Variants in AHCTF1 observed in about 807,000 individuals in gnomAD.
AHCTF1 encodes protein ELYS.
In AHCTF1, 24 loss-of-function variants were observed where a neutral mutation model predicts 248.4. The observed-to-expected ratio is 0.10, with a 90% CI of 0.07 to 0.14. The LOEUF is 0.14. Among genes scored for constraint, AHCTF1 ranks in the 10% least tolerant of loss-of-function variants. The pLI, the probability that AHCTF1 is intolerant of heterozygous loss-of-function variation, is 1.00. For missense variants in AHCTF1, 2,206 were observed against 2,636.2 expected, an observed-to-expected ratio of 0.84 and a Z score of 3.57; for synonymous variants, 786 against 929.8, an observed-to-expected ratio of 0.85 and a Z score of 2.81.
intron 1 of AHCTF1, among the ~76,000 whole-genome samples, chr1:246,930,168 GCT>G (rs758383074): frequency 3.3e-5 from 5 of 151,928 alleles, no homozygotes; most frequent in Non-Finnish European, 5.9e-5. Context: ...ACAGGTTCTC[GCT>G]CTGTCACACA....
rs748765217 is a variant in AHCTF1 at position 246,867,819 on chromosome 1, A to T, written c.3089-8T>A. ...ATGGTTTGGGTCTAGAAACTGTAAA[A>T]TGAAGAACGCTGGAATTAAGTGCAT... On this transcript the variant is annotated splice_polypyrimidine_tract_variant and splice_region_variant and intron_variant, in intron 24 of 35. Transcript: ENST00000648844. The T allele has an allele frequency of 1.2e-6, 2 of 1,603,946 alleles. No individual in the cohort carries two copies. The highest frequency in any genetic ancestry group is 1.7e-6 in the Non-Finnish European group (2 of 1,175,328).
chr1:246,877,166 T>C lies in AHCTF1; in HGVS notation c.2797A>G (p.Thr933Ala). The change falls in exon 22 of 36, where the codon ACT (threonine) becomes GCT (alanine). Residue 933 changes from threonine (T) to alanine (A), a missense_variant. Transcript: ENST00000648844. Reference sequence around the variant, plus strand: ...CATCGGTAAGTAATTACCTGCTCAGTGTCTGTAAATGGTAACTTCAGTAAA... The same window carrying C: ...CATCGGTAAGTAATTACCTGCTCAGCGTCTGTAAATGGTAACTTCAGTAAA... ...EDLLKLPFTD[T>A]EQECLVKFLQ... 6.2e-7 allele frequency: 1 copy of C among 1,612,836 alleles called. No homozygotes were observed. The highest frequency in any genetic ancestry group is 8.5e-7 in the Non-Finnish European group (1 of 1,179,844).
chr1:246,901,327 A>T (rs1261381902), intron 8 of AHCTF1, among the ~76,000 whole-genome samples: 1 of 151,994 alleles, frequency 6.6e-6, no homozygotes, highest in Non-Finnish European at 1.5e-5. Context: ...GGCGACAGTG[A>T]GACCCTGTCT....
At chr1:246,888,919 G>A (rs1258787554) in intron 17 of AHCTF1, among the ~76,000 whole-genome samples, 1 of 152,082 alleles carries the variant, frequency 6.6e-6, no homozygotes, top group Non-Finnish European at 1.5e-5. Flanking sequence ...AGAGAGAGGA[G>A]AGAATTGGGA....
intron 31 of AHCTF1, among the ~76,000 whole-genome samples, chr1:246,853,683 A>G (rs79326084): frequency 1.3e-5 from 2 of 152,348 alleles, no homozygotes; most frequent in East Asian, 3.9e-4. Context: ...GGGCTTTGAT[A>G]CAACTAGGAT....
intron 12 of AHCTF1, among the ~76,000 whole-genome samples, chr1:246,897,553 C>T (rs1215093998): frequency 6.6e-6 from 1 of 152,134 alleles, no homozygotes. Flanking sequence ...GTGTAGTCAA[C>T]TACATATCAA....
intron 1 of AHCTF1, among the ~76,000 whole-genome samples, chr1:246,929,169 T>G (rs111926413): frequency 6.6e-6 from 1 of 151,762 alleles, no homozygotes; most frequent in East Asian, 1.9e-4. Context: ...AGCACTTTGG[T>G]TGGCCGAGGT....
chr1:246,913,372 C>A lies in AHCTF1; in HGVS notation c.416G>T (p.Ser139Ile), dbSNP rs772969822. The A allele has an allele frequency of 4.3e-6, 7 of 1,613,330 alleles. No individual in the cohort carries two copies. The African/African-American group carries it at 8.0e-5, about 18-fold the overall frequency. The change falls in exon 4 of 36, where the codon AGT becomes ATT. Residue 139 changes from serine (S) to isoleucine (I), a missense_variant. Coordinates refer to ENST00000648844, the MANE Select transcript of AHCTF1 (RefSeq NM_001323342.2). ...TGGATGTAAATGCTGAGTGCTTGCA[C>A]TGGCTCCTCCATGATTAATTATAGG... The part of the protein sequence containing the change: ...IEPIINHGGA[S>I]ASTQHLHPSL...
At chr1:246,846,914 A>G (rs895818207) in intron 33 of AHCTF1, among the ~76,000 whole-genome samples, 1 of 151,824 alleles carries the variant, frequency 6.6e-6, no homozygotes, top group African/African-American at 2.4e-5. Flanking sequence ...CCACATGCCC[A>G]AATCATTAAA....
chr1:246,862,806 AT>A (rs1269059505), intron 27 of AHCTF1, among the ~76,000 whole-genome samples: 4 of 152,212 alleles, frequency 2.6e-5, no homozygotes, highest in Non-Finnish European at 4.4e-5. Context: ...CAGAAAAAAA[AT>A]TTCGTCACAC....
intron 33 of AHCTF1, among the ~76,000 whole-genome samples, chr1:246,847,257 C>T (rs1029687646): frequency 6.6e-6 from 1 of 151,186 alleles, no homozygotes; most frequent in African/African-American, 2.4e-5. Flanking sequence ...CCATTGCACT[C>T]CAGCCTGGGT....
chr1:246,869,462 C>T (rs1195630892), intron 24 of AHCTF1, among the ~76,000 whole-genome samples: 2 of 152,148 alleles, frequency 1.3e-5, no homozygotes, highest in Non-Finnish European at 2.9e-5. Flanking sequence ...AAAAGTGCTA[C>T]GTCAGTGAAC....
intron 4 of AHCTF1, among the ~76,000 whole-genome samples, chr1:246,912,866 T>C (rs189898503): frequency 6.6e-6 from 1 of 152,316 alleles, no homozygotes; most frequent in Admixed American, 6.5e-5. Context: ...TGCTGGGTAA[T>C]TTCATATTGG....
chr1:246,889,776 C>T (rs976481171), intron 17 of AHCTF1, among the ~76,000 whole-genome samples, 190 bp downstream of exon 17: 2 of 152,156 alleles, frequency 1.3e-5, no homozygotes, highest in African/African-American at 4.8e-5. Flanking sequence ...ACCTTTACTT[C>T]ATTTCAAAGG....
chr1:246,918,794 G>T (rs1666323674), intron 1 of AHCTF1, among the ~76,000 whole-genome samples: 1 of 152,196 alleles, frequency 6.6e-6, no homozygotes, highest in Non-Finnish European at 1.5e-5. Flanking sequence ...TTATTCCCTA[G>T]ATTCTTTAAA....
intron 1 of AHCTF1, among the ~76,000 whole-genome samples, chr1:246,930,754 G>C (rs1667291603): frequency 6.6e-6 from 1 of 152,078 alleles, no homozygotes; most frequent in Non-Finnish European, 1.5e-5. Context: ...AGGATATTCT[G>C]AGAATAAATA....
At chr1:246,898,155 A>C in intron 12 of AHCTF1, 53 bp downstream of exon 12, 1 of 1,600,846 alleles carries the variant, frequency 6.2e-7, no homozygotes, top group Non-Finnish European at 8.5e-7. Flanking sequence ...TGTAATAGAA[A>C]GCTAATAACG....
intron 33 of AHCTF1, among the ~76,000 whole-genome samples, chr1:246,844,543 A>G (rs1287448630): frequency 6.6e-6 from 1 of 152,064 alleles, no homozygotes; most frequent in Non-Finnish European, 1.5e-5. Context: ...CAACAAAGTG[A>G]GAGCCCTGTC....
At chr1:246,886,523 T>C (rs540114709) in intron 20 of AHCTF1, among the ~76,000 whole-genome samples, 5 of 152,242 alleles carry the variant, frequency 3.3e-5, no homozygotes, top group South Asian at 2.1e-4. Flanking sequence ...ATGTAAATAA[T>C]TGTTATAGTG....
Sources: allele counts gnomAD v4.1 joint callset (sites outside exome capture counted in the v4.1 genomes callset), GRCh38; gene constraint gnomAD v4.1.1; transcripts MANE v1.5; gene names NCBI Gene and HGNC (gene_info 2026-07-23, HGNC 2026-07-21).